KALRN: variants seen among roughly 807,000 people sequenced by gnomAD.
The protein encoded by KALRN is kalirin.
Under a neutral mutation model 353.7 loss-of-function variants are expected in KALRN, and 70 were observed. The ratio of observed to expected loss-of-function variants is 0.20; its 90% confidence interval spans 0.16 to 0.24. The LOEUF is 0.24. KALRN is among the 10% of genes least tolerant of loss of function. KALRN has a pLI of 1.00. For missense variants in KALRN, 2,791 were observed against 3,756.7 expected, an observed-to-expected ratio of 0.74 and a Z score of 6.72; for synonymous variants, 1,391 against 1,434.8, an observed-to-expected ratio of 0.97 and a Z score of 0.69.
At chr3:124,651,475 G>A (rs1328514292) in intron 38 of KALRN, among the ~76,000 whole-genome samples, 2 of 151,996 alleles carry the variant, frequency 1.3e-5, no homozygotes, top group Non-Finnish European at 2.9e-5. Context: ...AATAGTTAGT[G>A]GTAAAATAAA....
At chr3:124,544,576 A>G (rs1157792908) in intron 33 of KALRN, among the ~76,000 whole-genome samples, 2 of 152,044 alleles carry the variant, frequency 1.3e-5, no homozygotes, top group African/African-American at 4.8e-5. Flanking sequence ...AAAACTATCT[A>G]TATCGATACA....
At chr3:124,050,324 CA>C (rs2149140350) in intron 1 of KALRN, among the ~76,000 whole-genome samples, 1 of 152,326 alleles carries the variant, frequency 6.6e-6, no homozygotes, top group East Asian at 1.9e-4. Context: ...CAGCAGGGAA[CA>C]AAGAAGCATA....
At chr3:124,161,329 A>G (rs980390286) in intron 1 of KALRN, among the ~76,000 whole-genome samples, 5 of 152,176 alleles carry the variant, frequency 3.3e-5, no homozygotes. Context: ...AGGACTCAAC[A>G]CAATATATTA....
chr3:124,663,547 T>C (rs2085169402), intron 45 of KALRN, among the ~76,000 whole-genome samples: 2 of 152,174 alleles, frequency 1.3e-5, no homozygotes, highest in African/African-American at 4.8e-5. Flanking sequence ...CCACACACAA[T>C]ATGTTTTTAA....
intron 14 of KALRN, among the ~76,000 whole-genome samples, chr3:124,418,858 T>C (rs1019675664): frequency 1.3e-5 from 2 of 152,176 alleles, no homozygotes; most frequent in African/African-American, 4.8e-5. Context: ...CCTGGAGCTT[T>C]AAGACTTACT....
intron 28 of KALRN, among the ~76,000 whole-genome samples, chr3:124,487,496 C>G (rs1364860774): frequency 6.6e-6 from 1 of 152,186 alleles, no homozygotes; most frequent in African/African-American, 2.4e-5. Flanking sequence ...GACCTGGATT[C>G]AGGCCCCTGC....
intron 39 of KALRN, 98 bp downstream of exon 39, chr3:124,655,765 T>C (rs2083945988): frequency 2.5e-6 from 2 of 805,174 alleles, no homozygotes; most frequent in Admixed American, 3.7e-5. Flanking sequence ...TTACATGTAC[T>C]TTACTGTCTG....
Position 124,596,785 on chromosome 3 carries a change from C to T in KALRN, c.5182+33696C>T, listed in dbSNP as rs540237375. 1.4e-4 allele frequency among the ~76,000 whole-genome samples: 22 copies of T among 152,140 alleles called. No individual in the cohort carries two copies. The East Asian group carries it at 1.8e-3, about 12-fold the overall frequency. Reference sequence around the variant, plus strand: ...ACATAGGGTCGGGCACGGTGGCCCACGCCTGTAATCCCAACACTTTGGGAG... The same window carrying T: ...ACATAGGGTCGGGCACGGTGGCCCATGCCTGTAATCCCAACACTTTGGGAG... On this transcript the variant is annotated intron_variant, in intron 34 of 59. Coordinates refer to ENST00000682506, the MANE Select transcript of KALRN (RefSeq NM_001388419.1).
In KALRN at chr3:124,717,469, A is replaced by G. The variant is rs779694455; in HGVS notation, c.8415+84A>G. 1.1e-4 allele frequency: 101 copies of G among 903,676 alleles called. 1 individual carries two copies. Among genetic ancestry groups the G allele is most frequent in the Middle Eastern group, 3.1e-4 (1 of 3,250 alleles). The allele number at this position is 903,676 out of a possible 1,614,324, so 56.0% of individuals were successfully genotyped here. A position where few individuals can be genotyped will look rare whatever the true frequency, so the allele number is the denominator to read the frequency against. Reference sequence around the variant, plus strand: ...TGGGAGGCCAAGGTGGGCGGATCACAAGGTCAGGAGATCGAGACCATCCTG... The same window carrying G: ...TGGGAGGCCAAGGTGGGCGGATCACGAGGTCAGGAGATCGAGACCATCCTG... On this transcript the variant is annotated intron_variant, in intron 59 of 59. Transcript: ENST00000682506.
At chr3:124,315,974 C>T (rs768416825) in intron 6 of KALRN, among the ~76,000 whole-genome samples, 2 of 152,132 alleles carry the variant, frequency 1.3e-5, no homozygotes, top group Non-Finnish European at 2.9e-5. Context: ...AGACTGATTA[C>T]AGACATTACA....
chr3:124,491,162 T>C (rs1370222939), intron 30 of KALRN, among the ~76,000 whole-genome samples, 161 bp from the exon 31 acceptor site: 1 of 152,150 alleles, frequency 6.6e-6, no homozygotes, highest in Non-Finnish European at 1.5e-5. Flanking sequence ...GGTCCTTTCA[T>C]CCTGGGTAGA....
chr3:124,161,463 C>T (rs1248146972), intron 1 of KALRN, among the ~76,000 whole-genome samples: 1 of 152,208 alleles, frequency 6.6e-6, no homozygotes, highest in African/African-American at 2.4e-5. Context: ...GCTTCTCCCC[C>T]TCTACCCCTG....
At chr3:124,674,290 G>A in intron 48 of KALRN, 74 bp from the exon 49 acceptor site, 2 of 1,501,398 alleles carry the variant, frequency 1.3e-6, no homozygotes, top group East Asian at 2.4e-5. Flanking sequence ...TGAACCACTG[G>A]GTAGGGTGCA....
chr3:124,244,717 C>G (rs143302409), intron 3 of KALRN, among the ~76,000 whole-genome samples: 3 of 152,242 alleles, frequency 2.0e-5, no homozygotes, highest in East Asian at 3.9e-4. Context: ...TAAGTCGTTT[C>G]CAGAAGTTCA....
chr3:124,278,868 G>A (rs978959997), intron 5 of KALRN, among the ~76,000 whole-genome samples: 6 of 152,062 alleles, frequency 3.9e-5, no homozygotes, highest in African/African-American at 1.4e-4. Flanking sequence ...GTCTCTGTTT[G>A]GGGTAGGAAG....
intron 9 of KALRN, among the ~76,000 whole-genome samples, chr3:124,346,158 G>A (rs1031301926): frequency 1.2e-4 from 18 of 152,042 alleles, no homozygotes; most frequent in Non-Finnish European, 5.9e-5. Flanking sequence ...TTTACTGAGC[G>A]CCAACTCTTC....
chr3:124,597,336 A>C (rs753978998), intron 34 of KALRN, among the ~76,000 whole-genome samples: 7 of 149,032 alleles, frequency 4.7e-5, no homozygotes, highest in Non-Finnish European at 9.0e-5. Flanking sequence ...GATAACAAAA[A>C]GGGGAAAAAA....
intron 1 of KALRN, among the ~76,000 whole-genome samples, chr3:124,195,373 G>A (rs907722635): frequency 2.0e-5 from 3 of 152,306 alleles, no homozygotes; most frequent in African/African-American, 7.2e-5. Context: ...AAGGATCAAA[G>A]GATGGAGCAT....
intron 1 of KALRN, among the ~76,000 whole-genome samples, chr3:124,144,755 C>T (rs1197871373): frequency 6.6e-6 from 1 of 152,066 alleles, no homozygotes; most frequent in African/African-American, 2.4e-5. Context: ...ACAGCAGCAT[C>T]CATTTACTAG....
Sources: allele counts gnomAD v4.1 joint callset (sites outside exome capture counted in the v4.1 genomes callset), GRCh38; gene constraint gnomAD v4.1.1; transcripts MANE v1.5; gene names NCBI Gene and HGNC (gene_info 2026-07-23, HGNC 2026-07-21).